Variants in MOB2 observed in about 807,000 individuals in gnomAD.
MOB2 encodes the protein MOB kinase activator 2, also known as MOB2 Mps One Binder homolog.
Under a neutral mutation model 27.4 loss-of-function variants are expected in MOB2, and 14 were observed. The observed-to-expected ratio is 0.51, with a 90% CI of 0.34 to 0.80. MOB2 has a LOEUF of 0.80. Ranked by LOEUF, MOB2 falls within the 30% of genes least tolerant of loss-of-function variation. The pLI is 0.01. For missense variants in MOB2, 304 were observed against 354.6 expected, an observed-to-expected ratio of 0.86 and a Z score of 1.15; for synonymous variants, 167 against 151.8, an observed-to-expected ratio of 1.10 and a Z score of -0.74.
chr11:1,480,955 T>C (rs575780310), intron 1 of MOB2, 70 bp from the exon 2 acceptor site: 9 of 1,527,550 alleles, frequency 5.9e-6, no homozygotes, highest in South Asian at 3.7e-5. Context: ...GGGGGGTCAG[T>C]TGTGGCCAGC....
chr11:1,481,037 C>T (rs553822575), intron 1 of MOB2, 152 bp from the exon 2 acceptor site: 4 of 929,018 alleles, frequency 4.3e-6, no homozygotes, highest in East Asian at 2.7e-5. Flanking sequence ...AGGACACCAA[C>T]GGGACACCAA....
chr11:1,474,520 C>T (rs550410694), intron 3 of MOB2, among the ~76,000 whole-genome samples: 2 of 152,364 alleles, frequency 1.3e-5, no homozygotes, highest in East Asian at 3.9e-4. Context: ...TGGTTTTTGA[C>T]ACAAATGACT....
intron 2 of MOB2, 55 bp from the exon 3 acceptor site, chr11:1,480,541 G>A (rs1847899522): frequency 9.5e-6 from 15 of 1,579,166 alleles, no homozygotes; most frequent in Middle Eastern, 3.4e-4. Flanking sequence ...GAGCCGCCCC[G>A]TCCACCCCTG....
At chr11:1,470,812 T>G (rs1304166012) in intron 4 of MOB2, among the ~76,000 whole-genome samples, 9 of 152,114 alleles carry the variant, frequency 5.9e-5, no homozygotes, top group Non-Finnish European at 1.2e-4. Flanking sequence ...CGGGCCCCCG[T>G]GGTGTCTCCC....
At chr11:1,478,764 T>C (rs1847879568) in intron 3 of MOB2, among the ~76,000 whole-genome samples, 1 of 152,134 alleles carries the variant, frequency 6.6e-6, no homozygotes, top group African/African-American at 2.4e-5. Context: ...CCCCGCCCCC[T>C]TTCTCGTCTC....
At chr11:1,485,931 G>T (rs1340790867) in intron 1 of MOB2, among the ~76,000 whole-genome samples, 1 of 152,214 alleles carries the variant, frequency 6.6e-6, no homozygotes, top group African/African-American at 2.4e-5. Flanking sequence ...TAGGCACCCG[G>T]GAACCCCATG....
Position 1,470,090 on chromosome 11 carries a change from A to C in MOB2, c.*82T>G. ...AGACCTCACCACACGCGTGCCCAGCACATGTGTGCACACGCAGATGCAGGA... is the reference window on the plus strand; with the variant it reads ...AGACCTCACCACACGCGTGCCCAGCCCATGTGTGCACACGCAGATGCAGGA... On this transcript the variant is annotated 3_prime_UTR_variant, in exon 5 of 5. Coordinates refer to ENST00000329957, the MANE Select transcript of MOB2 (RefSeq NM_001172223.3). 2.6e-6 allele frequency: 4 copies of C among 1,545,470 alleles called. No homozygotes were observed. Among genetic ancestry groups the C allele is most frequent in the Non-Finnish European group, 3.5e-6 (4 of 1,146,928 alleles).
chr11:1,469,705 T>G lies in MOB2; in HGVS notation c.*467A>C, dbSNP rs1331450325. 1 of 458,718 alleles carries G rather than the reference T, an allele frequency of 2.2e-6. No individual in the cohort carries two copies. The highest frequency in any genetic ancestry group is 1.5e-5 in the South Asian group (1 of 64,578). The allele number at this position is 458,718 out of a possible 1,614,324, so 28.4% of individuals were successfully genotyped here. ...CTGAGCTGCCAACAGCCAAGACTCC[T>G]GGCGAGGCCGGGAGAGGAGGGGTGA... On this transcript the variant is annotated 3_prime_UTR_variant, in exon 5 of 5. Coordinates refer to ENST00000329957, the MANE Select transcript of MOB2 (RefSeq NM_001172223.3).
intron 1 of MOB2, chr11:1,481,117 C>A: frequency 1.5e-6 from 1 of 656,050 alleles, no homozygotes; most frequent in Non-Finnish European, 2.8e-6. Context: ...GAAGGGCTGG[C>A]GCTCCCACTT....
At chr11:1,474,811 T>C (rs1847835207) in intron 3 of MOB2, among the ~76,000 whole-genome samples, 1 of 152,258 alleles carries the variant, frequency 6.6e-6, no homozygotes, top group African/African-American at 2.4e-5. Context: ...GAGCTCTGTA[T>C]CCATTCCTTC....
rs1021667385 is a variant in MOB2, at chr11:1,486,749, C to T, written c.-193G>A. 22 of 574,940 alleles carry T rather than the reference C, an allele frequency of 3.8e-5. No homozygotes were observed. Among genetic ancestry groups the T allele is most frequent in the African/African-American group, 3.2e-4 (17 of 53,276 alleles). The allele number at this position is 574,940 out of a possible 1,614,324, so 35.6% of individuals were successfully genotyped here. A position where few individuals can be genotyped will look rare whatever the true frequency, so the allele number is the denominator to read the frequency against. On this transcript the variant is annotated 5_prime_UTR_variant, in exon 1 of 5. Transcript: ENST00000329957. ...TGAAACGAGGGAGCGTCTGAATTGG[C>T]CTTTTCCAAGTGGCATGGCTGCCAG... is the stretch of plus-strand genomic sequence containing the variant.
Position 1,486,401 on chromosome 11 carries a change from C to G in MOB2, c.110+46G>C, listed in dbSNP as rs1564912460. ...TTCCTGGGGGCAAGAACAGGGCAGA[C>G]AGATGTGCTACACACCCCTCCCCCA... On this transcript the variant is annotated intron_variant, in intron 1 of 4. Transcript: ENST00000329957. 2.8e-6 allele frequency: 4 copies of G among 1,413,650 alleles called. No homozygotes were observed. In the South Asian group the frequency reaches 4.9e-5, roughly 17 times the overall value. The allele number at this position is 1,413,650 out of a possible 1,614,324, so 87.6% of individuals were successfully genotyped here.
In MOB2 at chr11:1,475,511, A is replaced by C. The variant is rs572069920; in HGVS notation, c.366-4092T>G. 2.6e-5 allele frequency among the ~76,000 whole-genome samples: 4 copies of C among 152,348 alleles called. No individual in the cohort carries two copies. The South Asian group carries it at 8.3e-4, about 32-fold the overall frequency. On this transcript the variant is annotated intron_variant, in intron 3 of 4. Coordinates refer to ENST00000329957, the MANE Select transcript of MOB2 (RefSeq NM_001172223.3). ...GAGATAGGGTCTCGCTGTGTTGCTA[A>C]GTTAGTCTCGAACTCCTGAAGTGAT...
At chr11:1,479,578 G>A (rs1458665182) in intron 3 of MOB2, among the ~76,000 whole-genome samples, 1 of 152,244 alleles carries the variant, frequency 6.6e-6, no homozygotes. Context: ...TGCCTGTGCA[G>A]AAGCTCCCCT....
In MOB2 at chr11:1,480,417, C is replaced by G; in HGVS notation, c.341G>C (p.Cys114Ser). The G allele has an allele frequency of 6.2e-7, 1 of 1,613,774 alleles. No homozygotes were observed. Among genetic ancestry groups the G allele is most frequent in the South Asian group, 1.1e-5 (1 of 91,086 alleles). ...CGTGTTGCACACGGCCATCGTCTGA[C>G]ACGTCTCTCCTGTGCAGAACTCGGA... ...TISEFCTGET[C>S]QTMAVCNTQY... The change falls in exon 3 of 5, where the codon TGT (cysteine) becomes TCT (serine). Residue 114 changes from cysteine to serine, a missense_variant. By Grantham distance (112) the Cys-to-Ser change is moderately radical (BLOSUM62 -1). Coordinates refer to ENST00000329957, the MANE Select transcript of MOB2 (RefSeq NM_001172223.3).
chr11:1,485,193 G>A (rs544341196), intron 1 of MOB2, among the ~76,000 whole-genome samples: 6 of 152,254 alleles, frequency 3.9e-5, no homozygotes, highest in East Asian at 1.9e-4. Context: ...AAGGGACTCC[G>A]CCCGTCTTCC....
chr11:1,470,289 G>A lies in MOB2; in HGVS notation c.690C>T (p.Ile230=). The stretch of plus-strand genomic sequence containing the variant: ...ATAGCACCTCGGTGAGGTCGTCCAT[G>A]ATGGCGGTCTCTTTGGGGTCCAGCA... ...FNLLDPKETA[I]MDDLTEVLCS... is the part of the protein sequence containing the mutation. The change falls in exon 5 of 5, where the codon ATC becomes ATT. Residue 230 remains isoleucine, a synonymous_variant. Coordinates refer to ENST00000329957, the MANE Select transcript of MOB2 (RefSeq NM_001172223.3). 1 of 1,613,252 alleles carries A rather than the reference G, an allele frequency of 6.2e-7. No homozygotes were observed. Among genetic ancestry groups the A allele is most frequent in the Non-Finnish European group, 8.5e-7 (1 of 1,179,900 alleles).
intron 1 of MOB2, among the ~76,000 whole-genome samples, chr11:1,483,294 G>A (rs547201636): frequency 6.6e-6 from 1 of 152,328 alleles, no homozygotes; most frequent in East Asian, 1.9e-4. Context: ...GTGGAGGGAG[G>A]ACTGTGGGAG....
intron 4 of MOB2, among the ~76,000 whole-genome samples, chr11:1,470,890 T>C (rs889830827): frequency 6.6e-6 from 1 of 152,224 alleles, no homozygotes; most frequent in Non-Finnish European, 1.5e-5. Context: ...GCCTCTCCTG[T>C]TGTCCCCTGC....
Sources: allele counts gnomAD v4.1 joint callset (sites outside exome capture counted in the v4.1 genomes callset), GRCh38; gene constraint gnomAD v4.1.1; transcripts MANE v1.5; gene names NCBI Gene and HGNC (gene_info 2026-07-23, HGNC 2026-07-21).